Variants in PDE10A observed in about 807,000 individuals in gnomAD.
PDE10A encodes phosphodiesterase 10A.
PDE10A carries 39 observed loss-of-function variants against 97.7 expected under a neutral mutation model. The observed-to-expected ratio is 0.40, with a 90% CI of 0.31 to 0.52. The LOEUF (loss-of-function observed/expected upper bound fraction) is 0.52, where lower values mean the gene tolerates loss of function less well. Among genes scored for constraint, PDE10A ranks in the 20% least tolerant of loss-of-function variants. The probability of loss-of-function intolerance (pLI) is 0.56; values close to 1 mark genes in which losing one functional copy is unlikely to be tolerated. For missense variants in PDE10A, 731 were observed against 1,047.8 expected (o/e 0.70, Z 4.17); for synonymous variants, 371 against 376.8 (o/e 0.98, Z 0.18).
chr6:165,424,694 G>C (rs1788989793), intron 10 of PDE10A, among the ~76,000 whole-genome samples: 1 of 152,208 alleles, frequency 6.6e-6, no homozygotes, highest in Admixed American at 6.5e-5. Context: ...TATGAATATA[G>C]ATGCAAACTT....
chr6:165,601,657 G>T (rs1332091890), intron 1 of PDE10A, among the ~76,000 whole-genome samples: 1 of 152,128 alleles, frequency 6.6e-6, no homozygotes, highest in Non-Finnish European at 1.5e-5. Flanking sequence ...TTGCTAACAG[G>T]TAACTACTTA....
At chr6:165,825,089 A>G (rs568631450) in intron 1 of PDE10A, among the ~76,000 whole-genome samples, 2 of 148,742 alleles carry the variant, frequency 1.3e-5, no homozygotes, top group African/African-American at 4.9e-5. Flanking sequence ...TGGAGGTTGC[A>G]GTGAGCTGAG....
At chr6:165,747,684 G>A (rs1792873757) in intron 1 of PDE10A, among the ~76,000 whole-genome samples, 3 of 152,176 alleles carry the variant, frequency 2.0e-5, no homozygotes, top group African/African-American at 7.2e-5. Context: ...TGAGCCAGTA[G>A]GTGGGTAGAA....
At chr6:165,859,582 G>A (rs538798174) in intron 1 of PDE10A, among the ~76,000 whole-genome samples, 9 of 152,332 alleles carry the variant, frequency 5.9e-5, no homozygotes, top group African/African-American at 1.9e-4. Context: ...CCCTCTCTGG[G>A]CACGCCACCC....
chr6:165,473,918 T>A (rs1313838507), intron 3 of PDE10A, among the ~76,000 whole-genome samples: 1 of 152,224 alleles, frequency 6.6e-6, no homozygotes, highest in Non-Finnish European at 1.5e-5. Context: ...CAGGTACTCT[T>A]AATTTTCAAG....
At position 165,543,496 on chromosome 6, in the gene PDE10A, C is replaced by T; in HGVS notation, c.938G>A (p.Ser313Asn). 9 of 1,612,552 alleles carry T rather than the reference C, an allele frequency of 5.6e-6. No homozygotes were observed. Among genetic ancestry groups the T allele is most frequent in the Non-Finnish European group, 7.6e-6 (9 of 1,178,778 alleles). ...TTTCTCTACTGTCTCTGCACTAACA[C>T]TTTCAGATACAAATTCATCTAATAC... ...PQVLDEFVSE[S>N]VSAETVEKWL... The change falls in exon 2 of 22, where the codon AGT becomes AAT. Residue 313 changes from serine to asparagine, a missense_variant. By Grantham distance (46) the Ser-to-Asn change is conservative (BLOSUM62 1). Transcript: ENST00000539869.
intron 1 of PDE10A, among the ~76,000 whole-genome samples, chr6:165,740,311 A>C (rs376543142): frequency 8.6e-6 from 1 of 116,382 alleles, no homozygotes; most frequent in Non-Finnish European, 1.8e-5. Context: ...ATATATATGG[A>C]GAGAAAGAGA....
chr6:165,771,491 A>C (rs1007852459), intron 1 of PDE10A, among the ~76,000 whole-genome samples: 1 of 152,154 alleles, frequency 6.6e-6, no homozygotes, highest in Non-Finnish European at 1.5e-5. Flanking sequence ...AGACCCAAAG[A>C]GAAGACACCT....
intron 1 of PDE10A, among the ~76,000 whole-genome samples, chr6:165,758,018 A>G (rs965409877): frequency 2.6e-5 from 4 of 152,222 alleles, no homozygotes; most frequent in African/African-American, 9.6e-5. Context: ...AAGTATCCAT[A>G]TGTATTATTT....
At chr6:165,917,019 G>T (rs1782625048) in intron 1 of PDE10A, among the ~76,000 whole-genome samples, 1 of 152,152 alleles carries the variant, frequency 6.6e-6, no homozygotes, top group Admixed American at 6.5e-5. Flanking sequence ...ACCTGTTGGG[G>T]TTGGGTAGTT....
At chr6:165,987,587 TA>T in exon 1 of PDE10A, 1 of 404,808 alleles carries the variant, frequency 2.5e-6, no homozygotes. Flanking sequence ...TTCATAAATT[TA>T]AAAAGAGACA....
chr6:165,514,049 T>C (rs77350958), intron 2 of PDE10A, among the ~76,000 whole-genome samples: 2,562 of 152,300 alleles, frequency 0.017, 35 homozygotes, highest in Non-Finnish European at 0.023. Context: ...ACTTTTCTCA[T>C]GAAATTTTAT....
chr6:165,780,871 G>C (rs1327119088), intron 1 of PDE10A: 1 of 152,134 alleles, frequency 6.6e-6, no homozygotes, highest in African/African-American at 2.4e-5. Context: ...TCCCTTTATT[G>C]GTGCATTTGG....
intron 1 of PDE10A, among the ~76,000 whole-genome samples, chr6:165,701,226 G>A (rs1178931291): frequency 6.6e-6 from 1 of 152,238 alleles, no homozygotes. Flanking sequence ...GCCTGCCGAA[G>A]AGTGACCTGT....
chr6:165,710,005 T>C (rs1791854217), intron 1 of PDE10A, among the ~76,000 whole-genome samples: 1 of 152,028 alleles, frequency 6.6e-6, no homozygotes, highest in Non-Finnish European at 1.5e-5. Context: ...TGGCTGCATT[T>C]AGGCCATCTC....
chr6:165,540,602 C>T (rs550364787), intron 2 of PDE10A, among the ~76,000 whole-genome samples: 2 of 152,176 alleles, frequency 1.3e-5, no homozygotes, highest in African/African-American at 4.8e-5. Context: ...GGTGAAGCAA[C>T]GTGGAAGGAG....
At chr6:165,383,451 G>A (rs535887851) in intron 17 of PDE10A, among the ~76,000 whole-genome samples, 1 of 152,250 alleles carries the variant, frequency 6.6e-6, no homozygotes, top group African/African-American at 2.4e-5. Context: ...AAAACAGTCT[G>A]CTCACATGAA....
intron 1 of PDE10A, among the ~76,000 whole-genome samples, chr6:165,839,984 C>CCCATCCT (rs1583173852): frequency 2.6e-5 from 3 of 114,886 alleles, no homozygotes; most frequent in Non-Finnish European, 3.9e-5. Context: ...TCCCCATCCC[C>CCCATCCT]ATCTCCAACT....
intron 7 of PDE10A, among the ~76,000 whole-genome samples, 195 bp from the exon 8 acceptor site, chr6:165,431,667 A>C (rs1447327710): frequency 2.7e-5 from 4 of 149,880 alleles, no homozygotes; most frequent in Non-Finnish European, 4.4e-5. Flanking sequence ...TCATCTCAAC[A>C]AAGGACTCGG....
Sources: allele counts gnomAD v4.1 joint callset (sites outside exome capture counted in the v4.1 genomes callset), GRCh38; gene constraint gnomAD v4.1.1; transcripts MANE v1.5; gene names NCBI Gene and HGNC (gene_info 2026-07-23, HGNC 2026-07-21).